NTM: variants seen among roughly 807,000 people sequenced by gnomAD.
The protein encoded by NTM is IgLON family member 2.
In NTM, 13 loss-of-function variants were observed where a neutral mutation model predicts 42.1. That is an observed-to-expected ratio of 0.31 (90% CI 0.20 to 0.49). The LOEUF is 0.49. Ranked by LOEUF, NTM falls within the 20% of genes least tolerant of loss-of-function variation. NTM has a pLI of 0.99. For synonymous variants in NTM, 187 were observed against 179.2 expected (o/e 1.04, Z -0.35); for missense variants, 373 against 452.8 (o/e 0.82, Z 1.60).
intron 1 of NTM, among the ~76,000 whole-genome samples, chr11:131,499,927 C>A (rs1473866721): frequency 6.6e-6 from 1 of 152,180 alleles, no homozygotes; most frequent in East Asian, 1.9e-4. Context: ...CTTTGAGAAG[C>A]CACATCACTG....
At chr11:132,051,465 C>T (rs1411194616) in intron 2 of NTM, among the ~76,000 whole-genome samples, 3 of 152,172 alleles carry the variant, frequency 2.0e-5, no homozygotes, top group Admixed American at 2.0e-4. Flanking sequence ...TCTGGAATTG[C>T]TGGGATACCA....
chr11:132,078,967 A>G (rs1039607643), intron 2 of NTM, among the ~76,000 whole-genome samples: 1 of 152,166 alleles, frequency 6.6e-6, no homozygotes, highest in African/African-American at 2.4e-5. Context: ...ATCCGACCTG[A>G]TTTTGCAGAG....
At chr11:131,876,366 C>G (rs2048541627) in intron 1 of NTM, among the ~76,000 whole-genome samples, 2 of 152,176 alleles carry the variant, frequency 1.3e-5, no homozygotes, top group African/African-American at 4.8e-5. Context: ...CACTGGGTCT[C>G]CTCCACTCAT....
chr11:131,706,978 T>C (rs931867196), intron 1 of NTM, among the ~76,000 whole-genome samples: 1 of 152,080 alleles, frequency 6.6e-6, no homozygotes, highest in Non-Finnish European at 1.5e-5. Flanking sequence ...TACTTATCAT[T>C]TCTTTGTGAT....
intron 7 of NTM, among the ~76,000 whole-genome samples, chr11:132,319,460 C>G (rs1005420662): frequency 6.6e-6 from 1 of 152,228 alleles, no homozygotes; most frequent in African/African-American, 2.4e-5. Context: ...AACGGCACAC[C>G]AAGAGATTAT....
At chr11:131,886,251 A>T (rs2050372925) in intron 1 of NTM, among the ~76,000 whole-genome samples, 1 of 152,138 alleles carries the variant, frequency 6.6e-6, no homozygotes, top group Admixed American at 6.5e-5. Flanking sequence ...CACGCCATGA[A>T]AACCACCAGC....
chr11:131,454,421 C>T (rs1314413465), intron 1 of NTM, among the ~76,000 whole-genome samples: 2 of 152,160 alleles, frequency 1.3e-5, no homozygotes, highest in Admixed American at 6.5e-5. Flanking sequence ...TATTTCCTTT[C>T]CTCCCTATCC....
At chr11:132,268,644 T>C (rs2093328826) in intron 4 of NTM, among the ~76,000 whole-genome samples, 1 of 145,808 alleles carries the variant, frequency 6.9e-6, no homozygotes, top group East Asian at 2.1e-4. Context: ...TGTGTGTGTT[T>C]GTGGTGTGGG....
intron 1 of NTM, among the ~76,000 whole-genome samples, chr11:131,849,918 A>G: frequency 6.6e-6 from 1 of 151,492 alleles, no homozygotes; most frequent in East Asian, 2.0e-4. Flanking sequence ...ACATGTATAC[A>G]TATGTAACAA....
Position 132,229,279 on chromosome 11 carries a change from C to T in NTM, c.526+17132C>T, listed in dbSNP as rs562254414. On this transcript the variant is annotated intron_variant, in intron 4 of 8. Transcript: ENST00000683400. ...TCTTTTGCAGATGAGGGAACTGAGGCGCAGAGCACGCACTTAGACCGCTTG... is the reference window on the plus strand; with the variant it reads ...TCTTTTGCAGATGAGGGAACTGAGGTGCAGAGCACGCACTTAGACCGCTTG... Among the ~76,000 whole-genome samples, 10 of 152,268 alleles carry T rather than the reference C, an allele frequency of 6.6e-5. No homozygotes were observed. The South Asian group carries it at 8.3e-4, about 13-fold the overall frequency.
chr11:131,859,935 C>A (rs188457280), intron 1 of NTM, among the ~76,000 whole-genome samples: 2 of 151,726 alleles, frequency 1.3e-5, no homozygotes, highest in Non-Finnish European at 2.9e-5. Flanking sequence ...TTCCCCTTTT[C>A]TCACTTCCTC....
At chr11:132,034,170 A>G (rs1002429769) in intron 2 of NTM, among the ~76,000 whole-genome samples, 2 of 152,204 alleles carry the variant, frequency 1.3e-5, no homozygotes, top group Non-Finnish European at 2.9e-5. Flanking sequence ...AAATCTTCCC[A>G]GAGACCTTGC....
intron 1 of NTM, among the ~76,000 whole-genome samples, chr11:131,683,406 T>G (rs967501566): frequency 6.6e-6 from 1 of 152,178 alleles, no homozygotes; most frequent in African/African-American, 2.4e-5. Flanking sequence ...CTCTGGTACC[T>G]AAGTCCCCTC....
At chr11:131,983,483 C>A (rs1359329038) in intron 2 of NTM, among the ~76,000 whole-genome samples, 7 of 147,484 alleles carry the variant, frequency 4.7e-5, no homozygotes, top group Non-Finnish European at 7.4e-5. Context: ...TCAAGCGATT[C>A]TCCTACATCA....
chr11:131,407,230 G>A (rs1945897224), intron 1 of NTM, among the ~76,000 whole-genome samples: 1 of 152,156 alleles, frequency 6.6e-6, no homozygotes, highest in Non-Finnish European at 1.5e-5. Flanking sequence ...TCTCAGGAGA[G>A]GACCGAAGTG....
chr11:131,965,962 G>T (rs1243924987), intron 2 of NTM, among the ~76,000 whole-genome samples: 3 of 142,832 alleles, frequency 2.1e-5, no homozygotes, highest in African/African-American at 7.7e-5. Context: ...AGGGAGGGAG[G>T]GAGGGAAGGG....
At chr11:131,620,722 C>T (rs1565338607) in intron 1 of NTM, among the ~76,000 whole-genome samples, 1 of 152,330 alleles carries the variant, frequency 6.6e-6, no homozygotes, top group East Asian at 1.9e-4. Flanking sequence ...GGAGTGGGTC[C>T]ACCACCTGCA....
At chr11:131,458,810 C>T (rs2136097313) in intron 1 of NTM, among the ~76,000 whole-genome samples, 1 of 152,360 alleles carries the variant, frequency 6.6e-6, no homozygotes, top group African/African-American at 2.4e-5. Context: ...CATCAAGTCA[C>T]CTGGAGGGCT....
At chr11:131,834,563 A>AATC (rs1202983588) in intron 1 of NTM, among the ~76,000 whole-genome samples, 2 of 150,036 alleles carry the variant, frequency 1.3e-5, no homozygotes, top group Admixed American at 1.3e-4. Context: ...CCATCATAAT[A>AATC]ATCATCATCA....
Sources: gnomAD v4.1 joint callset for allele counts (sites outside exome capture counted in the v4.1 genomes callset) on GRCh38, gnomAD v4.1.1 for gene constraint, MANE v1.5 for transcripts, NCBI Gene and HGNC (gene_info 2026-07-23, HGNC 2026-07-21) for gene names.